MID1: variants seen among roughly 807,000 people sequenced by gnomAD.
The protein encoded by MID1 is midline 1, also known as E3 ubiquitin-protein ligase Midline-1.
MID1 carries 7 observed loss-of-function variants against 40.4 expected under a neutral mutation model. The ratio of observed to expected loss-of-function variants is 0.17; its 90% CI spans 0.10 to 0.33. The LOEUF is 0.33. Ranked by LOEUF, MID1 falls within the 10% of genes least tolerant of loss-of-function variation. The pLI is 1.00. For synonymous variants in MID1, 229 were observed against 221.2 expected (o/e 1.04, Z -0.31); for missense variants, 367 against 558.5 (o/e 0.66, Z 3.46).
At chrX:10,532,259 G>C (rs144924954) in intron 2 of MID1, among the ~76,000 whole-genome samples, 2,414 of 112,427 alleles carry the variant, frequency 0.021, 26 homozygotes, top group Non-Finnish European at 0.034. Context: ...GGGATGCCAA[G>C]GCGGGAGGAT....
At chrX:10,471,746 A>G (rs1929722442) in intron 6 of MID1, among the ~76,000 whole-genome samples, 2 of 112,339 alleles carry the variant, frequency 1.8e-5, no homozygotes, top group African/African-American at 3.2e-5. Flanking sequence ...CTCTCTCACA[A>G]TTTAAACAGT....
intron 8 of MID1, among the ~76,000 whole-genome samples, chrX:10,457,342 G>A (rs1290291701): frequency 2.7e-5 from 3 of 111,949 alleles, no homozygotes; most frequent in East Asian, 2.8e-4. Context: ...ATCTTGGTGA[G>A]CAAATTCTGC....
At chrX:10,730,714 G>C (rs1410132742) in intron 1 of MID1, among the ~76,000 whole-genome samples, 1 of 109,398 alleles carries the variant, frequency 9.1e-6, no homozygotes, top group African/African-American at 3.3e-5. Context: ...TGGGACTACA[G>C]GCGCCCGCCA....
intron 5 of MID1, among the ~76,000 whole-genome samples, chrX:10,478,448 C>T (rs939711573): frequency 8.1e-5 from 9 of 111,762 alleles, no homozygotes; most frequent in Non-Finnish European, 1.3e-4. Flanking sequence ...TAATTAGTCC[C>T]GTCTTACAGA....
chrX:10,751,638 AT>A (rs1165926235), intron 1 of MID1, among the ~76,000 whole-genome samples: 1 of 112,041 alleles, frequency 8.9e-6, no homozygotes, highest in Admixed American at 9.4e-5. Context: ...GTCAACAACA[AT>A]AACAACACCA....
At chrX:10,771,906 T>C (rs958592090) in intron 1 of MID1, among the ~76,000 whole-genome samples, 4 of 111,046 alleles carry the variant, frequency 3.6e-5, no homozygotes, top group Non-Finnish European at 7.5e-5. Context: ...TAAAAATTGC[T>C]GGTGGGAATG....
chrX:10,791,781 GTGTGTGTGTGTGCA>G (rs1170047523), intron 1 of MID1, among the ~76,000 whole-genome samples: 3 of 110,903 alleles, frequency 2.7e-5, no homozygotes, highest in Non-Finnish European at 3.8e-5. Context: ...TGGTATGCAT[GTGTGTGTGTGTGCA>G]TGTGTGTGTG....
rs997484948 is a variant in MID1 at position 10,694,520 on chromosome X, G to T, written c.-186-74101C>A. Among the ~76,000 whole-genome samples the T allele has an allele frequency of 7.1e-5, 8 of 111,989 alleles. No individual in the cohort carries two copies. The South Asian group carries it at 3.0e-3, about 41-fold the overall frequency. ...CCAGGCACCAAACCTAAGAGTGTAG[G>T]GGAAAAGTTTTTCCTCTCCAACCAT... On this transcript the variant is annotated intron_variant, in intron 1 of 10. Transcript: ENST00000380785.
intron 3 of MID1, among the ~76,000 whole-genome samples, chrX:10,515,104 G>A (rs1441623061): frequency 1.8e-5 from 2 of 112,172 alleles, no homozygotes; most frequent in Non-Finnish European, 3.8e-5. Flanking sequence ...CAATGACTCC[G>A]GATGAAGCCA....
chrX:10,705,680 T>A (rs1363019252), intron 1 of MID1, among the ~76,000 whole-genome samples: 1 of 111,715 alleles, frequency 9.0e-6, no homozygotes, highest in African/African-American at 3.2e-5. Flanking sequence ...AGTTGGCACT[T>A]ACTATCCCCA....
In MID1 at chrX:10,662,534, G is replaced by A. The variant is rs140087080; in HGVS notation, c.-186-42115C>T. Among the ~76,000 whole-genome samples the A allele has an allele frequency of 6.1e-4, 68 of 111,205 alleles. 1 individual carries two copies. In the East Asian group the frequency reaches 0.015, roughly 25 times the overall value. On this transcript the variant is annotated intron_variant, in intron 1 of 10. Transcript: ENST00000380785. ...ATTGTGTATTTGTGGCATGTATATCGGTGTGTAGGGAGGATGCGTGTGTAC... is the reference window on the plus strand; with the variant it reads ...ATTGTGTATTTGTGGCATGTATATCAGTGTGTAGGGAGGATGCGTGTGTAC...
intron 1 of MID1, among the ~76,000 whole-genome samples, chrX:10,638,161 T>C (rs746896705): frequency 2.3e-4 from 26 of 111,638 alleles, no homozygotes; most frequent in African/African-American, 5.8e-4. Context: ...GTTCATCTCA[T>C]TGGGGCTTGT....
chrX:10,609,962 C>A (rs1001786179), intron 1 of MID1, among the ~76,000 whole-genome samples: 4 of 111,469 alleles, frequency 3.6e-5, no homozygotes, highest in Non-Finnish European at 7.5e-5. Flanking sequence ...TCGTGATCCG[C>A]CCGCCTCGGC....
At chrX:10,607,912 A>T (rs1935655571) in intron 1 of MID1, among the ~76,000 whole-genome samples, 1 of 112,761 alleles carries the variant, frequency 8.9e-6, no homozygotes, top group Non-Finnish European at 1.9e-5. Context: ...AAAGGCAGCA[A>T]TCATAGATAT....
At chrX:10,709,517 T>A (rs2043252719) in intron 1 of MID1, among the ~76,000 whole-genome samples, 1 of 111,939 alleles carries the variant, frequency 8.9e-6, no homozygotes, top group Non-Finnish European at 1.9e-5. Context: ...TAAGAAAGAA[T>A]TTGGTGACTT....
At chrX:10,638,662 T>C (rs1936150555) in intron 1 of MID1, among the ~76,000 whole-genome samples, 1 of 111,564 alleles carries the variant, frequency 9.0e-6, no homozygotes, top group African/African-American at 3.3e-5. Context: ...GAGTAGTGCT[T>C]CTCCCAGCAT....
chrX:10,610,851 A>T (rs1935724242), intron 1 of MID1, among the ~76,000 whole-genome samples: 2 of 111,885 alleles, frequency 1.8e-5, no homozygotes, highest in African/African-American at 3.3e-5. Flanking sequence ...GCCCCCTGGG[A>T]TCACACAATT....
At chrX:10,490,459 A>G (rs1006087009) in intron 4 of MID1, among the ~76,000 whole-genome samples, 1 of 111,565 alleles carries the variant, frequency 9.0e-6, no homozygotes, top group Non-Finnish European at 1.9e-5. Context: ...AAAAAGAAAA[A>G]TCCCTCCTAC....
Position 10,830,249 on chromosome X carries a change from C to T in MID1, c.-187+3305G>A, listed in dbSNP as rs146487310. Among the ~76,000 whole-genome samples, 535 of 112,301 alleles carry T rather than the reference C, an allele frequency of 4.8e-3. 4 individuals are homozygous for T. The highest frequency in any genetic ancestry group is 0.016 in the African/African-American group (481 of 30,989). ...AGTTGGGAAGCTCTGATTTAGAGAA[C>T]GATTAGCAAAAGAGTGAGTGATCAA... On this transcript the variant is annotated intron_variant, in intron 1 of 10. Coordinates refer to the MID1 transcript ENST00000380785.
Sources: gnomAD v4.1 joint callset for allele counts (sites outside exome capture counted in the v4.1 genomes callset) on GRCh38, gnomAD v4.1.1 for gene constraint, MANE v1.5 for transcripts, NCBI Gene and HGNC (gene_info 2026-07-23, HGNC 2026-07-21) for gene names.